MPDZ: variants seen among roughly 807,000 people sequenced by gnomAD.
MPDZ encodes the protein multiple PDZ domain protein.
MPDZ carries 234 observed loss-of-function variants against 239.1 expected under a neutral mutation model. The ratio of observed to expected loss-of-function variants is 0.98; its 90% CI spans 0.88 to 1.09. The LOEUF is 1.09. Among genes scored for constraint, MPDZ ranks in the 50% least tolerant of loss-of-function variants. MPDZ has a pLI of 0.00. For missense variants in MPDZ, 3,175 were observed against 2,510.0 expected, an observed-to-expected ratio of 1.26 and a Z score of -5.66; for synonymous variants, 1,048 against 881.3, an observed-to-expected ratio of 1.19 and a Z score of -3.35.
rs145735505 is a variant in MPDZ at position 13,158,725 on chromosome 9, T to C, written c.3360-615A>G. Reference sequence around the variant, plus strand: ...AACGCGTCTGTGTTCAAGGTCACCTTCCGTTTATGTAGCAATTTAGATTTT... The same window carrying C: ...AACGCGTCTGTGTTCAAGGTCACCTCCCGTTTATGTAGCAATTTAGATTTT... On this transcript the variant is annotated intron_variant, in intron 23 of 46. Transcript: ENST00000319217. Among the ~76,000 whole-genome samples the C allele has an allele frequency of 5.8e-4, 88 of 152,294 alleles. No individual in the cohort carries two copies. In the East Asian group the frequency reaches 8.9e-3, roughly 15 times the overall value.
At chr9:13,186,209 A>C (rs1954074318) in intron 18 of MPDZ, 61 bp downstream of exon 18, 1 of 884,430 alleles carries the variant, frequency 1.1e-6, no homozygotes. Flanking sequence ...GAATATTTTG[A>C]AAGGCAAAGT....
At chr9:13,277,310 C>T (rs1386943310) in intron 1 of MPDZ, among the ~76,000 whole-genome samples, 1 of 149,740 alleles carries the variant, frequency 6.7e-6, no homozygotes, top group African/African-American at 2.5e-5. Flanking sequence ...CAGAAAGGAT[C>T]AAAGGAAAAA....
intron 1 of MPDZ, among the ~76,000 whole-genome samples, chr9:13,251,255 T>A (rs1366866015): frequency 1.3e-5 from 2 of 148,190 alleles, no homozygotes; most frequent in African/African-American, 5.0e-5. Context: ...CAAAAGGGAG[T>A]ATACAGTGTT....
intron 1 of MPDZ, among the ~76,000 whole-genome samples, chr9:13,277,161 G>A (rs933352822): frequency 2.0e-5 from 3 of 152,120 alleles, no homozygotes; most frequent in Non-Finnish European, 2.9e-5. Context: ...CTAGGTGATA[G>A]GACTTTGAAG....
intron 10 of MPDZ, among the ~76,000 whole-genome samples, chr9:13,212,638 A>C (rs1336139410): frequency 9.9e-5 from 15 of 151,672 alleles, no homozygotes; most frequent in Admixed American, 9.9e-4. Context: ...AGAACTAGGT[A>C]GTATAATGGC....
intron 27 of MPDZ, among the ~76,000 whole-genome samples, chr9:13,142,638 G>T (rs1286803640): frequency 6.6e-6 from 1 of 152,056 alleles, no homozygotes; most frequent in African/African-American, 2.4e-5. Context: ...ACCTTAAAGG[G>T]TGTGGGAGCA....
chr9:13,222,280 A>C lies in MPDZ; in HGVS notation c.700T>G (p.Ser234Ala), dbSNP rs1021328946. The C allele has an allele frequency of 1.2e-6, 2 of 1,612,724 alleles. No individual in the cohort carries two copies. ...GTGCTGGCTGCAGATGGAGAACGGGAAACTATGGGGCTGACAAGCTGAGGC... is the reference window on the plus strand; with the variant it reads ...GTGCTGGCTGCAGATGGAGAACGGGCAACTATGGGGCTGACAAGCTGAGGC... ...SLPQLVSPIV[S>A]RSPSAASTIS... Residue 234 changes from serine (S) to alanine (A), a missense_variant, in exon 6 of 47, where the codon TCC (serine) becomes GCC (alanine). Coordinates refer to ENST00000319217, the MANE Select transcript of MPDZ (RefSeq NM_001378778.1).
At position 13,175,851 on chromosome 9, in the gene MPDZ, T is replaced by C. The variant is rs371946090; in HGVS notation, c.2956A>G (p.Ser986Gly). The C allele has an allele frequency of 1.9e-6, 3 of 1,594,116 alleles. No homozygotes were observed. The highest frequency in any genetic ancestry group is 8.5e-7 in the Non-Finnish European group (1 of 1,170,012). ...CACTCAGCATTACAGGCCAGGGAGC[T>C]CTGTTCAAGCAGGTACTCAGAGCCC... ...GKGSEYLLEQSSLACNAECVM... is the reference protein window; with the variant it reads ...GKGSEYLLEQGSLACNAECVM... The change falls in exon 21 of 47, where the codon AGC becomes GGC. Residue 986 changes from serine to glycine, a missense_variant. Ser to Gly is a moderately conservative substitution (Grantham distance 56). Coordinates refer to ENST00000319217, the MANE Select transcript of MPDZ (RefSeq NM_001378778.1).
intron 30 of MPDZ, among the ~76,000 whole-genome samples, 195 bp downstream of exon 30, chr9:13,136,517 G>A (rs1464697971): frequency 6.6e-6 from 1 of 151,136 alleles, no homozygotes; most frequent in Non-Finnish European, 1.5e-5. Flanking sequence ...TAGTAGAGAC[G>A]GGATTTCACC....
At chr9:13,201,770 T>G (rs755929747) in intron 12 of MPDZ, among the ~76,000 whole-genome samples, 1 of 152,082 alleles carries the variant, frequency 6.6e-6, no homozygotes, top group African/African-American at 2.4e-5. Flanking sequence ...TATCTTTTAT[T>G]TATAAAAGAT....
At chr9:13,178,493 C>A (rs746838473) in intron 19 of MPDZ, among the ~76,000 whole-genome samples, 4 of 152,082 alleles carry the variant, frequency 2.6e-5, no homozygotes, top group Non-Finnish European at 5.9e-5. Context: ...TCCGATTTTT[C>A]TCTGAGTTCA....
At chr9:13,157,384 C>T (rs1458061072) in intron 24 of MPDZ, among the ~76,000 whole-genome samples, 2 of 152,106 alleles carry the variant, frequency 1.3e-5, no homozygotes, top group African/African-American at 4.8e-5. Flanking sequence ...TATTTATTTC[C>T]TTGTTATTCA....
At chr9:13,160,102 G>C (rs576881750) in intron 23 of MPDZ, among the ~76,000 whole-genome samples, 1 of 152,266 alleles carries the variant, frequency 6.6e-6, no homozygotes, top group African/African-American at 2.4e-5. Context: ...TTTGGATTGA[G>C]GCCATCTTAC....
chr9:13,188,801 C>T lies in MPDZ; in HGVS notation c.2347G>A (p.Val783Ile), dbSNP rs1563989220. The change falls in exon 17 of 47, where the codon GTT becomes ATT. Residue 783 changes from valine to isoleucine, a missense_variant. Val to Ile is a conservative substitution (Grantham distance 29). Transcript: ENST00000319217. ...GAPSGTVRIG[V>I]AKPLPLSPEE... ...ATTCTTACGGGTAAAGGCTTAGCAA[C>T]TCCTATTCTCACAGTCCCTGACGGT... The T allele has an allele frequency of 1.9e-6, 3 of 1,613,222 alleles. No homozygotes were observed. Among genetic ancestry groups the T allele is most frequent in the Non-Finnish European group, 2.5e-6 (3 of 1,179,364 alleles).
intron 1 of MPDZ, among the ~76,000 whole-genome samples, chr9:13,277,964 G>A (rs1485772685): frequency 6.6e-6 from 1 of 152,148 alleles, no homozygotes; most frequent in Non-Finnish European, 1.5e-5. Context: ...ATTACAAGAT[G>A]TTCATTGTAA....
intron 10 of MPDZ, among the ~76,000 whole-genome samples, chr9:13,213,554 T>C (rs1401979387): frequency 2.6e-5 from 4 of 152,002 alleles, no homozygotes; most frequent in Non-Finnish European, 5.9e-5. Flanking sequence ...ATGGTGATAT[T>C]TAGTAAAAAA....
intron 1 of MPDZ, among the ~76,000 whole-genome samples, chr9:13,250,598 G>C (rs370807449): frequency 1.6e-4 from 25 of 152,188 alleles, no homozygotes; most frequent in African/African-American, 5.1e-4. Context: ...TAAGGTAAAA[G>C]ACATAAATTC....
At chr9:13,257,133 C>A (rs767371345) in intron 1 of MPDZ, among the ~76,000 whole-genome samples, 1 of 152,180 alleles carries the variant, frequency 6.6e-6, no homozygotes, top group Non-Finnish European at 1.5e-5. Flanking sequence ...TTGGTTATAA[C>A]TGAACCTAAA....
chr9:13,129,075 A>C (rs1255243871), intron 32 of MPDZ, among the ~76,000 whole-genome samples: 1 of 152,204 alleles, frequency 6.6e-6, no homozygotes, highest in Admixed American at 6.5e-5. Context: ...AGAAACAATA[A>C]GCTACAAATC....
Sources: gnomAD v4.1 joint callset for allele counts (sites outside exome capture counted in the v4.1 genomes callset) on GRCh38, gnomAD v4.1.1 for gene constraint, MANE v1.5 for transcripts, NCBI Gene and HGNC (gene_info 2026-07-23, HGNC 2026-07-21) for gene names.